The following EEFSEC variants were observed in gnomAD, a reference collection of about 807,000 sequenced individuals.
The protein encoded by EEFSEC is eukaryotic elongation factor, selenocysteine-tRNA specific.
In EEFSEC, 43 loss-of-function variants were observed where a neutral mutation model predicts 42.1. That is an observed-to-expected ratio of 1.02 (90% CI 0.80 to 1.32). The LOEUF (loss-of-function observed/expected upper bound fraction) is 1.32. Ranked by LOEUF, EEFSEC falls within the 40% of genes most tolerant of loss-of-function variation. The pLI, the probability that EEFSEC is intolerant of heterozygous loss-of-function variation, is 0.00. For missense variants in EEFSEC, 745 were observed against 803.6 expected, an observed-to-expected ratio of 0.93 and a Z score of 0.88; for synonymous variants, 354 against 339.1, an observed-to-expected ratio of 1.04 and a Z score of -0.48.
At chr3:128,242,056 C>A (rs894292172) in intron 1 of EEFSEC, among the ~76,000 whole-genome samples, 1 of 152,166 alleles carries the variant, frequency 6.6e-6, no homozygotes, top group Non-Finnish European at 1.5e-5. Context: ...GGCTCACGCC[C>A]GTAATCCTAG....
chr3:128,328,870 T>C (rs2108051674), intron 4 of EEFSEC, among the ~76,000 whole-genome samples: 1 of 152,308 alleles, frequency 6.6e-6, no homozygotes, highest in African/African-American at 2.4e-5. Context: ...AGGTTGAATT[T>C]TGAATTTGAA....
chr3:128,195,798 G>A (rs182530528), intron 1 of EEFSEC, among the ~76,000 whole-genome samples: 235 of 152,354 alleles, frequency 1.5e-3, no homozygotes, highest in African/African-American at 5.3e-3. Context: ...TTCATGGCAA[G>A]AGTGAGACTG....
At chr3:128,264,812 T>C in intron 4 of EEFSEC, 31 bp downstream of exon 4, 1 of 1,598,316 alleles carries the variant, frequency 6.3e-7, no homozygotes, top group Non-Finnish European at 8.6e-7. Context: ...CCTTCTGGCC[T>C]CCTCGCTGGC....
At chr3:128,417,131 A>G in the EEFSEC span, among the ~76,000 whole-genome samples, 9 of 151,566 alleles carry the variant, frequency 5.9e-5, no homozygotes, top group Non-Finnish European at 1.2e-4. The surrounding 1 kb of genome is among the most constrained non-coding windows in gnomAD (Gnocchi z 4.3). Flanking sequence ...TTGGACCATC[A>G]CAATTGCCTC....
At chr3:128,180,699 G>T (rs1341597676) in intron 1 of EEFSEC, among the ~76,000 whole-genome samples, 1 of 152,214 alleles carries the variant, frequency 6.6e-6, no homozygotes, top group Non-Finnish European at 1.5e-5. Flanking sequence ...ATGGGACCAG[G>T]CAGGCCTGTG....
chr3:128,421,425 T>C, the EEFSEC span, among the ~76,000 whole-genome samples: 1 of 151,992 alleles, frequency 6.6e-6, no homozygotes, highest in African/African-American at 2.4e-5. Context: ...AAGCTCAGAG[T>C]GGGGCCTTCA....
At chr3:128,404,629 C>T (rs7631956) in intron 6 of EEFSEC, among the ~76,000 whole-genome samples, 2,226 of 152,344 alleles carry the variant, frequency 0.015, 50 homozygotes, top group African/African-American at 0.05. Flanking sequence ...ACAGGCCAGG[C>T]GCTCACTTGA....
At chr3:128,384,866 A>G (rs1246643775) in intron 6 of EEFSEC, among the ~76,000 whole-genome samples, 1 of 152,160 alleles carries the variant, frequency 6.6e-6, no homozygotes, top group Non-Finnish European at 1.5e-5. Context: ...CTGAGGGCCA[A>G]AGTGGTGCAG....
At chr3:128,211,864 T>C (rs1405042468) in intron 1 of EEFSEC, among the ~76,000 whole-genome samples, 4 of 123,052 alleles carry the variant, frequency 3.3e-5, no homozygotes, top group East Asian at 2.3e-4. Flanking sequence ...TTTTTTTTTT[T>C]TTTTTTTTTT....
chr3:128,214,200 T>G lies in EEFSEC; in HGVS notation c.317-32636T>G, dbSNP rs2065787024. Among the ~76,000 whole-genome samples, 3 of 152,318 alleles carry G rather than the reference T, an allele frequency of 2.0e-5. No individual in the cohort carries two copies. The South Asian group carries it at 6.2e-4, about 32-fold the overall frequency. On this transcript the variant is annotated intron_variant, in intron 1 of 6. Coordinates refer to ENST00000254730, the MANE Select transcript of EEFSEC (RefSeq NM_021937.5). ...TGGGAATCCTTTTTATATATCAGCA[T>G]TATATATATTCACATATATGTATAT...
chr3:128,199,952 T>C (rs191317456), intron 1 of EEFSEC, among the ~76,000 whole-genome samples: 188 of 152,330 alleles, frequency 1.2e-3, no homozygotes, highest in African/African-American at 4.2e-3. Flanking sequence ...CAGGCTGGCC[T>C]TGAACTCCTG....
intron 6 of EEFSEC, among the ~76,000 whole-genome samples, chr3:128,369,339 G>A (rs2067626865): frequency 6.6e-6 from 1 of 152,244 alleles, no homozygotes; most frequent in Non-Finnish European, 1.5e-5. Flanking sequence ...GTGAGGCTGT[G>A]TGTTCCTCTG....
chr3:128,323,445 T>G (rs771443164), intron 4 of EEFSEC, among the ~76,000 whole-genome samples: 3 of 152,052 alleles, frequency 2.0e-5, no homozygotes, highest in Non-Finnish European at 4.4e-5. Flanking sequence ...GAACTGACCT[T>G]TGTTATTTGA....
chr3:128,324,145 C>G (rs1470685639), intron 4 of EEFSEC, among the ~76,000 whole-genome samples: 1 of 152,182 alleles, frequency 6.6e-6, no homozygotes, highest in Non-Finnish European at 1.5e-5. Context: ...TATCATGTGC[C>G]CCAGGGCTGA....
chr3:128,222,252 C>T (rs547490112), intron 1 of EEFSEC, among the ~76,000 whole-genome samples: 1 of 152,012 alleles, frequency 6.6e-6, no homozygotes, highest in Non-Finnish European at 1.5e-5. Flanking sequence ...AGGCTGGCCT[C>T]GAACTCCTGA....
intron 4 of EEFSEC, among the ~76,000 whole-genome samples, chr3:128,293,672 A>AAAAAAAAC (rs1553752127): frequency 2.4e-4 from 3 of 12,330 alleles, no homozygotes; most frequent in South Asian, 3.1e-3. Flanking sequence ...AAAAAAAAAA[A>AAAAAAAAC]AAAAAAAAAA....
At chr3:128,223,786 G>T (rs1309788462) in intron 1 of EEFSEC, among the ~76,000 whole-genome samples, 3 of 152,154 alleles carry the variant, frequency 2.0e-5, no homozygotes, top group African/African-American at 7.2e-5. Context: ...GCCCATGTGC[G>T]TGCATGTTGT....
intron 3 of EEFSEC, among the ~76,000 whole-genome samples, chr3:128,264,143 C>T (rs957205309): frequency 1.3e-5 from 2 of 152,144 alleles, no homozygotes; most frequent in Non-Finnish European, 2.9e-5. Flanking sequence ...GGCCTGCTGG[C>T]GGCTGGCTTC....
intron 1 of EEFSEC, among the ~76,000 whole-genome samples, chr3:128,241,983 T>G (rs921430932): frequency 6.6e-6 from 1 of 152,210 alleles, no homozygotes; most frequent in Non-Finnish European, 1.5e-5. Flanking sequence ...TAAAATGTAT[T>G]TACATTGTTC....
Sources: allele counts gnomAD v4.1 joint callset (sites outside exome capture counted in the v4.1 genomes callset), GRCh38; gene constraint gnomAD v4.1.1; non-coding constraint Gnocchi (gnomAD v3.1); transcripts MANE v1.5; gene names NCBI Gene and HGNC (gene_info 2026-07-23, HGNC 2026-07-21).